The following TMEM242 variants were observed in gnomAD, a reference collection of about 807,000 sequenced individuals.
TMEM242 encodes transmembrane protein 242.
Under a neutral mutation model 18.2 loss-of-function variants are expected in TMEM242, and 10 were observed. The ratio of observed to expected loss-of-function variants is 0.55; its 90% CI spans 0.34 to 0.93. The LOEUF (loss-of-function observed/expected upper bound fraction) is 0.93. TMEM242 is among the 40% of genes least tolerant of loss of function. The probability of loss-of-function intolerance (pLI) is 0.02; values close to 1 mark genes in which losing one functional copy is unlikely to be tolerated. For missense variants in TMEM242, 186 were observed against 175.5 expected (o/e 1.06, Z -0.34); for synonymous variants, 57 against 69.9 (o/e 0.81, Z 0.92).
chr6:157,314,290 C>A (rs916391623), intron 3 of TMEM242, among the ~76,000 whole-genome samples: 154 of 146,174 alleles, frequency 1.1e-3, no homozygotes, highest in South Asian at 1.3e-3. Context: ...ATCATAGTGT[C>A]GCAGTGTGCA....
rs1244360918 is a variant in TMEM242 at position 157,290,975 on chromosome 6, C to T, written c.*1926G>A. The T allele has an allele frequency of 6.6e-6, 1 of 152,376 alleles. No individual in the cohort carries two copies. The highest frequency in any genetic ancestry group is 1.9e-4 in the East Asian group (1 of 5,204). The allele number at this position is 152,376 out of a possible 1,614,324, so 9.4% of individuals were successfully genotyped here. A position where few individuals can be genotyped will look rare whatever the true frequency, so the allele number is the denominator to read the frequency against. ...TGTCTAGGCCTCCTCTGTGCCAGCCCTGTGGGAAAGCAGAGCCCCCACCAT... is the reference window on the plus strand; with the variant it reads ...TGTCTAGGCCTCCTCTGTGCCAGCCTTGTGGGAAAGCAGAGCCCCCACCAT... On this transcript the variant is annotated 3_prime_UTR_variant, in exon 4 of 4. Coordinates refer to ENST00000400788, the MANE Select transcript of TMEM242 (RefSeq NM_018452.6).
intron 3 of TMEM242, among the ~76,000 whole-genome samples, chr6:157,293,657 T>G (rs1023762657): frequency 5.7e-5 from 8 of 139,224 alleles, no homozygotes; most frequent in Non-Finnish European, 1.1e-4. Context: ...AAGACAGTGG[T>G]TTTTTTTTTG....
In TMEM242 at chr6:157,295,837, G is replaced by A. The variant is rs1554247149; in HGVS notation, c.328-2838C>T. Among the ~76,000 whole-genome samples the A allele has an allele frequency of 2.6e-5, 4 of 152,176 alleles. No individual in the cohort carries two copies. The South Asian group carries it at 8.3e-4, about 32-fold the overall frequency. ...GGTACCATCTATCCCTGTTCTCTAAGTTTACAGCTGTGGAAATCGAAACGC... is the reference window on the plus strand; with the variant it reads ...GGTACCATCTATCCCTGTTCTCTAAATTTACAGCTGTGGAAATCGAAACGC... On this transcript the variant is annotated intron_variant, in intron 3 of 3. Transcript: ENST00000400788.
At chr6:157,313,289 T>A (rs75652645) in intron 3 of TMEM242, among the ~76,000 whole-genome samples, 30 of 2,812 alleles carry the variant, frequency 0.011, no homozygotes, top group East Asian at 0.069. Flanking sequence ...TGTGCGCTCA[T>A]CCGGCATCAT....
intron 3 of TMEM242, among the ~76,000 whole-genome samples, chr6:157,312,413 C>G (rs1331385871): frequency 2.0e-4 from 29 of 145,860 alleles, no homozygotes; most frequent in Admixed American, 6.9e-5. Context: ...ACTCACCTAG[C>G]CTCATCATAG....
chr6:157,314,154 C>G (rs1583573947), intron 3 of TMEM242, among the ~76,000 whole-genome samples: 1 of 150,352 alleles, frequency 6.7e-6, no homozygotes, highest in African/African-American at 2.4e-5. Context: ...ATCATAGTGT[C>G]CCTGTGTGCG....
chr6:157,311,530 G>GA (rs1778099140), intron 3 of TMEM242, among the ~76,000 whole-genome samples: 1 of 9,574 alleles, frequency 1.0e-4, no homozygotes, highest in Non-Finnish European at 1.8e-4. Context: ...GCACTCAACC[G>GA]GCCTCATCAT....
chr6:157,321,008 T>C (rs908074750), intron 2 of TMEM242, among the ~76,000 whole-genome samples: 11 of 145,512 alleles, frequency 7.6e-5, no homozygotes, highest in Admixed American at 1.4e-4. Context: ...CTTTTTTTTT[T>C]TTTCTTTTTT....
intron 3 of TMEM242, among the ~76,000 whole-genome samples, chr6:157,312,479 C>T (rs1583569093): frequency 4.3e-5 from 6 of 140,092 alleles, no homozygotes; most frequent in Non-Finnish European, 7.8e-5. Context: ...CTCACCTAGC[C>T]TCATCATAGT....
chr6:157,311,554 GCGCT>G (rs1778101266), intron 3 of TMEM242, among the ~76,000 whole-genome samples: 1 of 18,312 alleles, frequency 5.5e-5, no homozygotes, highest in African/African-American at 2.1e-4. Context: ...GTCCCAGTGT[GCGCT>G]CACCTAGCCT....
intron 3 of TMEM242, chr6:157,318,458 A>T: frequency 2.9e-6 from 1 of 344,046 alleles, no homozygotes; most frequent in South Asian, 1.1e-4. Context: ...TCAGAGCTCA[A>T]GTGATTTGCC....
rs1248370629 is a variant in TMEM242, at chr6:157,289,451, TA to T, written c.*3449del. On this transcript the variant is annotated 3_prime_UTR_variant, in exon 4 of 4. Transcript: ENST00000400788. ...AACACTTCACTTGAACATGGTATTA[TA>T]AAAATATGTATTTTACTAACTTTCA... The T allele has an allele frequency of 1.2e-4, 18 of 152,360 alleles. No homozygotes were observed. The East Asian group carries it at 3.3e-3, about 28-fold the overall frequency. 9.4% of individuals were successfully genotyped at this position (152,360 alleles called of 1,614,324 possible).
chr6:157,313,171 T>C (rs797027549), intron 3 of TMEM242, among the ~76,000 whole-genome samples: 3,685 of 20,748 alleles, frequency 0.18, 28 homozygotes, highest in East Asian at 0.28. Context: ...CATCATAGTG[T>C]CCCACTGTGC....
At chr6:157,298,847 T>C (rs1390932366) in intron 3 of TMEM242, among the ~76,000 whole-genome samples, 2 of 152,202 alleles carry the variant, frequency 1.3e-5, no homozygotes, top group South Asian at 2.1e-4. Flanking sequence ...AAAAACACTT[T>C]CTTTAGGAAT....
At position 157,309,266 on chromosome 6, in the gene TMEM242, T is replaced by C. The variant is rs587762815; in HGVS notation, c.327+9516A>G. Among the ~76,000 whole-genome samples the C allele has an allele frequency of 6.6e-5, 10 of 152,372 alleles. No individual in the cohort carries two copies. The South Asian group carries it at 2.1e-3, about 32-fold the overall frequency. ...GTAGGATTTCTGGTGATTTTTGTTT[T>C]GTACTTTTCAACATTGATTTTTTTT... On this transcript the variant is annotated intron_variant, in intron 3 of 3. Transcript: ENST00000400788.
chr6:157,321,371 T>C (rs903268899), intron 2 of TMEM242, among the ~76,000 whole-genome samples: 2 of 152,206 alleles, frequency 1.3e-5, no homozygotes, highest in African/African-American at 4.8e-5. Flanking sequence ...CATGATTTAA[T>C]AAAATTAACT....
At chr6:157,296,555 C>T (rs587726890) in intron 3 of TMEM242, among the ~76,000 whole-genome samples, 17 of 152,284 alleles carry the variant, frequency 1.1e-4, no homozygotes, top group South Asian at 4.1e-4. Context: ...TGGTGGCGCA[C>T]GCCTGTAGCC....
At chr6:157,320,051 T>C (rs587763091) in intron 2 of TMEM242, among the ~76,000 whole-genome samples, 2 of 152,342 alleles carry the variant, frequency 1.3e-5, no homozygotes, top group African/African-American at 4.8e-5. Flanking sequence ...TGAAGTGCAC[T>C]GACTAAGTGA....
In TMEM242 at chr6:157,312,473, C is replaced by A. The variant is rs1475495560; in HGVS notation, c.327+6309G>T. ...CTCATAGTGCCCCAGCGTGCACTCACCTAGCCTCATCATAGTGTCCCAGTG... is the reference window on the plus strand; with the variant it reads ...CTCATAGTGCCCCAGCGTGCACTCAACTAGCCTCATCATAGTGTCCCAGTG... On this transcript the variant is annotated intron_variant, in intron 3 of 3. Coordinates refer to ENST00000400788, the MANE Select transcript of TMEM242 (RefSeq NM_018452.6). Among the ~76,000 whole-genome samples the A allele has an allele frequency of 4.4e-3, 453 of 103,020 alleles. 12 individuals carry two copies. Among genetic ancestry groups the A allele is most frequent in the East Asian group, 9.5e-3 (31 of 3,274 alleles). 67.6% of individuals were successfully genotyped at this position (103,020 alleles called of 152,430 possible).
Sources: gnomAD v4.1 joint callset for allele counts (sites outside exome capture counted in the v4.1 genomes callset) on GRCh38, gnomAD v4.1.1 for gene constraint, MANE v1.5 for transcripts, NCBI Gene and HGNC (gene_info 2026-07-23, HGNC 2026-07-21) for gene names.